AGBL4: variants seen among roughly 807,000 people sequenced by gnomAD.
AGBL4 encodes the protein cytosolic carboxypeptidase 6.
In AGBL4, 58 loss-of-function variants were observed where a neutral mutation model predicts 66.4. That is an observed-to-expected ratio of 0.87 (90% CI 0.71 to 1.09). The LOEUF is 1.09. Among genes scored for constraint, AGBL4 ranks in the 50% least tolerant of loss-of-function variants. AGBL4 has a pLI of 0.00. For synonymous variants in AGBL4, 234 were observed against 222.9 expected, an observed-to-expected ratio of 1.05 and a Z score of -0.44; for missense variants, 579 against 631.0, an observed-to-expected ratio of 0.92 and a Z score of 0.88.
chr1:49,949,192 C>A (rs773551813), intron 1 of AGBL4, among the ~76,000 whole-genome samples: 2 of 151,760 alleles, frequency 1.3e-5, no homozygotes, highest in Non-Finnish European at 2.9e-5. Flanking sequence ...AAAAAATCAT[C>A]TCTCATCTTA....
At chr1:49,128,696 C>T (rs1049659585) in intron 4 of AGBL4, among the ~76,000 whole-genome samples, 3 of 151,938 alleles carry the variant, frequency 2.0e-5, no homozygotes, top group Non-Finnish European at 1.5e-5. Context: ...TAATATCATA[C>T]CATATGCAAA....
chr1:49,555,362 G>A (rs1300504608), intron 3 of AGBL4, among the ~76,000 whole-genome samples: 1 of 151,320 alleles, frequency 6.6e-6, no homozygotes, highest in Admixed American at 6.6e-5. Context: ...GTGCTGATTG[G>A]TGCATTTACA....
chr1:48,657,780 T>C (rs553215591), intron 7 of AGBL4, among the ~76,000 whole-genome samples: 2 of 152,328 alleles, frequency 1.3e-5, no homozygotes, highest in South Asian at 4.2e-4. Context: ...ATTAAGTTTC[T>C]GGCCCCTGGC....
chr1:49,399,180 A>G (rs925827626), intron 3 of AGBL4, among the ~76,000 whole-genome samples: 7 of 152,154 alleles, frequency 4.6e-5, no homozygotes, highest in Non-Finnish European at 7.4e-5. Flanking sequence ...TACAAGTTTC[A>G]TTCTTTTTAT....
intron 3 of AGBL4, among the ~76,000 whole-genome samples, chr1:49,694,783 A>T (rs185943399): frequency 6.6e-6 from 1 of 152,276 alleles, no homozygotes; most frequent in East Asian, 1.9e-4. Flanking sequence ...ACAAACTAGA[A>T]GAGCAAAGAA....
chr1:48,716,920 CG>C (rs1163727820), intron 6 of AGBL4, among the ~76,000 whole-genome samples: 6 of 152,200 alleles, frequency 3.9e-5, no homozygotes, highest in Non-Finnish European at 8.8e-5. Context: ...CACAGAAGTG[CG>C]TAGCACCAAC....
At chr1:49,673,292 T>C (rs1214826419) in intron 3 of AGBL4, among the ~76,000 whole-genome samples, 1 of 152,208 alleles carries the variant, frequency 6.6e-6, no homozygotes, top group Non-Finnish European at 1.5e-5. Context: ...AGCACAAACA[T>C]GGGAGTGCAG....
chr1:48,659,036 C>A (rs1414811630), intron 7 of AGBL4, among the ~76,000 whole-genome samples: 1 of 152,138 alleles, frequency 6.6e-6, no homozygotes, highest in Non-Finnish European at 1.5e-5. Flanking sequence ...ATCTAGTCCC[C>A]ACTCCACCAC....
At chr1:49,685,342 G>C (rs1367217553) in intron 3 of AGBL4, among the ~76,000 whole-genome samples, 1 of 152,126 alleles carries the variant, frequency 6.6e-6, no homozygotes, top group Non-Finnish European at 1.5e-5. Flanking sequence ...TTGCCATTGT[G>C]AACAGTATTG....
chr1:48,729,359 G>C (rs1388740767), intron 6 of AGBL4, among the ~76,000 whole-genome samples: 1 of 152,178 alleles, frequency 6.6e-6, no homozygotes, highest in African/African-American at 2.4e-5. Context: ...TAGGGCGTGG[G>C]TGGTGAATGT....
chr1:49,258,843 A>G (rs1181227820), intron 3 of AGBL4, among the ~76,000 whole-genome samples: 1 of 152,214 alleles, frequency 6.6e-6, no homozygotes, highest in Non-Finnish European at 1.5e-5. Context: ...CAACTCCAAG[A>G]CACATAATTG....
At chr1:49,380,576 G>A (rs375519523) in intron 3 of AGBL4, among the ~76,000 whole-genome samples, 43 of 152,022 alleles carry the variant, frequency 2.8e-4, no homozygotes, top group African/African-American at 8.4e-4. Flanking sequence ...GAGGCATCAC[G>A]CTACCTGACT....
At position 48,922,815 on chromosome 1, in the gene AGBL4, T is replaced by G. The variant is rs1029644887; in HGVS notation, c.595-55585A>C. ...TCACATCATGTCCAATTAATATCAT[T>G]TAATTATTTAAATCATTGATTAAAT... On this transcript the variant is annotated intron_variant, in intron 5 of 13. Coordinates refer to ENST00000371839, the MANE Select transcript of AGBL4 (RefSeq NM_032785.4). Among the ~76,000 whole-genome samples, 5 of 152,006 alleles carry G rather than the reference T, an allele frequency of 3.3e-5. No individual in the cohort carries two copies. In the South Asian group the frequency reaches 6.2e-4, roughly 19 times the overall value.
chr1:49,408,679 C>T (rs1645254745), intron 3 of AGBL4, among the ~76,000 whole-genome samples: 1 of 152,228 alleles, frequency 6.6e-6, no homozygotes, highest in Non-Finnish European at 1.5e-5. Flanking sequence ...ACACATCAGA[C>T]TCTGAGTTCT....
chr1:49,219,607 A>C (rs890404469), intron 4 of AGBL4, among the ~76,000 whole-genome samples: 2 of 152,174 alleles, frequency 1.3e-5, no homozygotes, highest in Non-Finnish European at 2.9e-5. Flanking sequence ...CATAAAAGAA[A>C]ACCTCCCATC....
At chr1:49,026,000 T>C (rs1158022503) in intron 5 of AGBL4, among the ~76,000 whole-genome samples, 1 of 152,134 alleles carries the variant, frequency 6.6e-6, no homozygotes, top group African/African-American at 2.4e-5. Flanking sequence ...ATTTAATGAT[T>C]TTTAGTAAAT....
chr1:48,593,912 T>C (rs1371999010), intron 9 of AGBL4, among the ~76,000 whole-genome samples: 2 of 152,222 alleles, frequency 1.3e-5, no homozygotes, highest in South Asian at 2.1e-4. Context: ...AATAAAACTT[T>C]TTGATATTTG....
intron 8 of AGBL4, among the ~76,000 whole-genome samples, chr1:48,649,899 A>T (rs1367593994): frequency 1.3e-5 from 2 of 152,250 alleles, no homozygotes; most frequent in Non-Finnish European, 2.9e-5. Context: ...ATCTCCATTG[A>T]CAGATGAGAA....
chr1:49,900,147 T>C (rs1649630202), intron 1 of AGBL4, among the ~76,000 whole-genome samples: 1 of 152,248 alleles, frequency 6.6e-6, no homozygotes, highest in Admixed American at 6.5e-5. Context: ...CTTATTATCT[T>C]GGTGAATCTT....
Sources: gnomAD v4.1 joint callset for allele counts (sites outside exome capture counted in the v4.1 genomes callset) on GRCh38, gnomAD v4.1.1 for gene constraint, MANE v1.5 for transcripts, NCBI Gene and HGNC (gene_info 2026-07-23, HGNC 2026-07-21) for gene names.